RIF1: variants seen among roughly 807,000 people sequenced by gnomAD.
RIF1 encodes telomere-associated protein RIF1.
In RIF1, 45 loss-of-function variants were observed where a neutral mutation model predicts 247.1. The observed-to-expected ratio is 0.18, with a 90% confidence interval of 0.14 to 0.23. RIF1 has a LOEUF of 0.23. Ranked by LOEUF, RIF1 falls within the 10% of genes least tolerant of loss-of-function variation. The probability of loss-of-function intolerance (pLI) is 1.00; values close to 1 mark genes in which losing one functional copy is unlikely to be tolerated. For missense variants in RIF1, 2,967 were observed against 2,862.5 expected, an observed-to-expected ratio of 1.04 and a Z score of -0.83; for synonymous variants, 1,087 against 978.8, an observed-to-expected ratio of 1.11 and a Z score of -2.06.
At chr2:151,418,594 A>G (rs2152129102) in intron 6 of RIF1, among the ~76,000 whole-genome samples, 1 of 151,974 alleles carries the variant, frequency 6.6e-6, no homozygotes, top group Middle Eastern at 3.4e-3. Flanking sequence ...GCCTGTAAGA[A>G]TAATTAGCTT....
intron 9 of RIF1, chr2:151,490,142 T>TA: frequency 1.5e-6 from 2 of 1,323,996 alleles, no homozygotes; most frequent in Non-Finnish European, 2.1e-6. Context: ...AATCTGTGTT[T>TA]AGCAGCTGAG....
chr2:151,458,784 G>T (rs768180916), intron 24 of RIF1, 27 bp from the exon 25 acceptor site: 4 of 1,359,158 alleles, frequency 2.9e-6, no homozygotes, highest in Non-Finnish European at 3.1e-6. Context: ...TTGACTTAAG[G>T]TATATATTTT....
intron 12 of RIF1, among the ~76,000 whole-genome samples, chr2:151,504,466 A>C (rs1344444926): frequency 2.0e-5 from 3 of 152,254 alleles, no homozygotes; most frequent in Non-Finnish European, 4.4e-5. Flanking sequence ...ATTAGAGGAC[A>C]CAAAACTCTA....
chr2:151,493,770 A>G, intron 9 of RIF1: 1 of 1,546,558 alleles, frequency 6.5e-7, no homozygotes, highest in Non-Finnish European at 8.8e-7. Flanking sequence ...TCCTTTCTAA[A>G]ATACCGAGCT....
intron 8 of RIF1, among the ~76,000 whole-genome samples, chr2:151,425,923 C>G (rs1241129733): frequency 6.6e-6 from 1 of 151,636 alleles, no homozygotes; most frequent in Non-Finnish European, 1.5e-5. Flanking sequence ...TAGAGATCCA[C>G]CCGCCTCGAC....
intron 10 of RIF1, chr2:151,496,345 G>A (rs2152938290): frequency 6.2e-7 from 1 of 1,610,536 alleles, no homozygotes; most frequent in Non-Finnish European, 8.5e-7. Flanking sequence ...GAGTTCCCTT[G>A]CCCATGTTTT....
At chr2:151,483,775 AT>A (rs1181412803), downstream of RIF1, among the ~76,000 whole-genome samples, 2 of 152,164 alleles carry the variant, frequency 1.3e-5, no homozygotes, top group Admixed American at 1.3e-4. Context: ...GTGAGCAAGC[AT>A]TACCACCTGA....
intron 27 of RIF1, 109 bp downstream of exon 27, chr2:151,461,398 T>TA: frequency 9.0e-7 from 1 of 1,111,006 alleles, no homozygotes; most frequent in South Asian, 1.4e-5. Flanking sequence ...CTAATTTTTT[T>TA]TTTTTTTTTT....
the RIF1 span, among the ~76,000 whole-genome samples, chr2:151,515,438 C>G: frequency 6.6e-6 from 1 of 152,102 alleles, no homozygotes; most frequent in East Asian, 1.9e-4. Context: ...GTCTCAAACT[C>G]CTGAGCTGAA....
At chr2:151,456,727 CT>C (rs1310492560) in intron 23 of RIF1, 107 bp downstream of exon 23, 12 of 630,026 alleles carry the variant, frequency 1.9e-5, no homozygotes, top group Non-Finnish European at 2.6e-5. Context: ...GGGGTTATTC[CT>C]TCTTTCTTTC....
At chr2:151,429,209 G>A (rs1392484085) in intron 9 of RIF1, among the ~76,000 whole-genome samples, 1 of 152,062 alleles carries the variant, frequency 6.6e-6, no homozygotes, top group Non-Finnish European at 1.5e-5. Flanking sequence ...TTTTGAGACA[G>A]GGTCGCTCTT....
chr2:151,433,990 G>A (rs1573965006), intron 10 of RIF1, among the ~76,000 whole-genome samples: 2 of 151,906 alleles, frequency 1.3e-5, no homozygotes, highest in East Asian at 3.9e-4. Flanking sequence ...TGGGCAACAT[G>A]GTGAAACCCC....
At chr2:151,426,095 A>C in intron 8 of RIF1, among the ~76,000 whole-genome samples, 1 of 149,584 alleles carries the variant, frequency 6.7e-6, no homozygotes, top group Non-Finnish European at 1.5e-5. Context: ...TGTATTAATT[A>C]CTATAGCTTT....
the RIF1 span, among the ~76,000 whole-genome samples, chr2:151,517,046 A>T: frequency 6.6e-6 from 1 of 152,228 alleles, no homozygotes; most frequent in Non-Finnish European, 1.5e-5. Context: ...TTTATTTATA[A>T]GTAAACAACT....
chr2:151,442,048 T>TTTTAA (rs1692381703), intron 16 of RIF1, 57 bp downstream of exon 16: 1 of 237,162 alleles, frequency 4.2e-6, no homozygotes, highest in African/African-American at 2.5e-5. Flanking sequence ...ATACTTCCCT[T>TTTTAA]TTTTATTTTA....
the RIF1 span, chr2:151,527,089 T>G: frequency 9.5e-7 from 1 of 1,048,606 alleles, no homozygotes; most frequent in Non-Finnish European, 1.4e-6. Flanking sequence ...GGCATTTGAT[T>G]AAACACACAG....
intron 9 of RIF1, among the ~76,000 whole-genome samples, chr2:151,489,133 T>C (rs1299182929): frequency 1.3e-5 from 2 of 152,202 alleles, no homozygotes; most frequent in African/African-American, 4.8e-5. Context: ...CAGTATTCCC[T>C]TCCTTAAATA....
At chr2:151,425,052 A>G (rs911091127) in intron 8 of RIF1, among the ~76,000 whole-genome samples, 2 of 151,750 alleles carry the variant, frequency 1.3e-5, no homozygotes, top group Non-Finnish European at 2.9e-5. Context: ...CGCTTCCATA[A>G]TATCCTCACC....
rs540948807 is a variant in RIF1 at position 151,416,914 on chromosome 2, A to G, written c.503+13A>G. On this transcript the variant is annotated intron_variant, in intron 6 of 35. Coordinates refer to ENST00000444746, the MANE Select transcript of RIF1 (RefSeq NM_018151.5). ...ATGTTATCGTAAGGTATGCATTTGG[A>G]TGTTGTGCAAATTGAAGAATAGTTT... 1.0e-5 allele frequency: 16 copies of G among 1,573,144 alleles called. No homozygotes were observed. The South Asian group carries it at 1.6e-4, about 16-fold the overall frequency.
Sources: allele counts gnomAD v4.1 joint callset (sites outside exome capture counted in the v4.1 genomes callset), GRCh38; gene constraint gnomAD v4.1.1; transcripts MANE v1.5; gene names NCBI Gene and HGNC (gene_info 2026-07-23, HGNC 2026-07-21).